MBD5: variants seen among roughly 807,000 people sequenced by gnomAD.
MBD5 encodes methyl-CpG binding domain protein 5.
In MBD5, 13 loss-of-function variants were observed where a neutral mutation model predicts 117.3. The observed-to-expected ratio is 0.11, with a 90% confidence interval of 0.07 to 0.18. The LOEUF is 0.18. Among genes scored for constraint, MBD5 ranks in the 10% least tolerant of loss-of-function variants. The probability of loss-of-function intolerance (pLI) is 1.00; values close to 1 mark genes in which losing one functional copy is unlikely to be tolerated. For synonymous variants in MBD5, 727 were observed against 766.4 expected (o/e 0.95, Z 0.85); for missense variants, 1,879 against 2,093.8 (o/e 0.90, Z 2.00).
At chr2:148,104,908 T>C (rs899947323) in intron 1 of MBD5, among the ~76,000 whole-genome samples, 1 of 152,144 alleles carries the variant, frequency 6.6e-6, no homozygotes, top group African/African-American at 2.4e-5. Flanking sequence ...TATAATAGGA[T>C]ATTATAATAT....
At chr2:148,035,109 T>G (rs1454100267) in intron 1 of MBD5, among the ~76,000 whole-genome samples, 1 of 152,098 alleles carries the variant, frequency 6.6e-6, no homozygotes, top group Non-Finnish European at 1.5e-5. Flanking sequence ...CACTAAATTT[T>G]TTCATTTTCC....
Position 148,144,430 on chromosome 2 carries a change from C to G in MBD5, c.-924-34270C>G, listed in dbSNP as rs377197356. Among the ~76,000 whole-genome samples, 25 of 152,174 alleles carry G rather than the reference C, an allele frequency of 1.6e-4. No individual in the cohort carries two copies. The East Asian group carries it at 2.5e-3, about 15-fold the overall frequency. ...CACTCTGATGGTAGTTTGTTTTGCT[C>G]TGCAGAAGCTCTTTAGTTTAATTAG... On this transcript the variant is annotated intron_variant, in intron 1 of 13. Transcript: ENST00000642680.
intron 4 of MBD5, among the ~76,000 whole-genome samples, chr2:148,416,905 A>T (rs1705436425): frequency 6.6e-6 from 1 of 152,192 alleles, no homozygotes; most frequent in Non-Finnish European, 1.5e-5. Flanking sequence ...ATCACTTAGA[A>T]TAATCACCTC....
intron 1 of MBD5, among the ~76,000 whole-genome samples, chr2:148,051,826 G>C (rs1694712360): frequency 6.6e-6 from 1 of 151,586 alleles, no homozygotes; most frequent in Non-Finnish European, 1.5e-5. Flanking sequence ...AGTTTTCTTG[G>C]GATTTCTTTG....
At chr2:148,119,538 T>C (rs1165897707) in intron 1 of MBD5, among the ~76,000 whole-genome samples, 2 of 152,192 alleles carry the variant, frequency 1.3e-5, no homozygotes, top group Non-Finnish European at 2.9e-5. Context: ...TTTTCTTCTT[T>C]TACTTGTGCT....
intron 3 of MBD5, among the ~76,000 whole-genome samples, chr2:148,245,417 G>A (rs559080441): frequency 6.6e-6 from 1 of 152,036 alleles, no homozygotes; most frequent in African/African-American, 2.4e-5. Context: ...AATAGAGATA[G>A]GACAAAAATA....
At chr2:148,386,164 AATTT>A (rs1473178433) in intron 4 of MBD5, among the ~76,000 whole-genome samples, 1 of 152,190 alleles carries the variant, frequency 6.6e-6, no homozygotes, top group African/African-American at 2.4e-5. Flanking sequence ...CTAGATTTTC[AATTT>A]ATTAAGTTAT....
chr2:148,484,133 T>C lies in MBD5; in HGVS notation c.3542T>C (p.Leu1181Pro). The part of the protein sequence containing the change: ...LLNPLLGTGL[L>P]GDMSSINNTL... ...AACCCTCTACTGGGGACAGGTCTAC[T>C]TGGTAAGTTAAATTTTTTCACAAAT... is the stretch of plus-strand genomic sequence containing the variant. The change falls in exon 9 of 14, where the codon CTT (leucine) becomes CCT (proline). Residue 1181 changes from leucine (L) to proline (P), a missense_variant and splice_region_variant. Coordinates refer to ENST00000642680, the MANE Select transcript of MBD5 (RefSeq NM_001378120.1). The C allele has an allele frequency of 1.4e-6, 2 of 1,430,980 alleles. No individual in the cohort carries two copies. Among genetic ancestry groups the C allele is most frequent in the Non-Finnish European group, 1.8e-6 (2 of 1,090,626 alleles). The allele number at this position is 1,430,980 out of a possible 1,614,324, so 88.6% of individuals were successfully genotyped here. A position where few individuals can be genotyped will look rare whatever the true frequency, so the allele number is the denominator to read the frequency against.
At chr2:148,119,994 G>T (rs1696729518) in intron 1 of MBD5, among the ~76,000 whole-genome samples, 1 of 151,476 alleles carries the variant, frequency 6.6e-6, no homozygotes, top group Admixed American at 6.6e-5. Context: ...AAAGCTCACT[G>T]CAGCCTCAAT....
chr2:148,306,034 A>G (rs1701882702), intron 3 of MBD5, among the ~76,000 whole-genome samples: 1 of 152,224 alleles, frequency 6.6e-6, no homozygotes, highest in African/African-American at 2.4e-5. Flanking sequence ...AATTGATCAC[A>G]TAGGCTTTTA....
chr2:148,265,682 A>G (rs1700839881), intron 3 of MBD5, among the ~76,000 whole-genome samples: 1 of 152,178 alleles, frequency 6.6e-6, no homozygotes, highest in Non-Finnish European at 1.5e-5. Flanking sequence ...TCAAAACATT[A>G]TATTAATATA....
chr2:148,258,135 T>A (rs2890917), intron 3 of MBD5, among the ~76,000 whole-genome samples: 90,897 of 151,920 alleles, frequency 0.6, 27,372 homozygotes, highest in East Asian at 0.71. Context: ...TTGTGGCAGA[T>A]CCTGAGGCTG....
At chr2:148,227,567 T>C (rs1446571656) in intron 2 of MBD5, among the ~76,000 whole-genome samples, 1 of 152,220 alleles carries the variant, frequency 6.6e-6, no homozygotes, top group African/African-American at 2.4e-5. Flanking sequence ...AGCTTTGTTC[T>C]TTTGGCTTAG....
At chr2:148,374,560 A>G (rs189434304) in intron 4 of MBD5, among the ~76,000 whole-genome samples, 1 of 152,326 alleles carries the variant, frequency 6.6e-6, no homozygotes, top group East Asian at 1.9e-4. Flanking sequence ...AAGTGATATT[A>G]AAGAAAATTA....
At position 148,100,970 on chromosome 2, in the gene MBD5, A is replaced by G. The variant is rs538524245; in HGVS notation, c.-924-77730A>G. 9.9e-5 allele frequency among the ~76,000 whole-genome samples: 15 copies of G among 152,268 alleles called. No homozygotes were observed. The East Asian group carries it at 2.5e-3, about 25-fold the overall frequency. On this transcript the variant is annotated intron_variant, in intron 1 of 13. Coordinates refer to ENST00000642680, the MANE Select transcript of MBD5 (RefSeq NM_001378120.1). The stretch of plus-strand genomic sequence containing the variant: ...GTAAAGTACAACTTGCACACTCCTC[A>G]TTTCAGAATGTTTACAAATAACAAA...
chr2:148,081,122 T>A (rs1054835556), intron 1 of MBD5, among the ~76,000 whole-genome samples: 2 of 152,110 alleles, frequency 1.3e-5, no homozygotes, highest in African/African-American at 2.4e-5. Context: ...GCTCAGAGTG[T>A]CAGGGTGCTA....
chr2:148,284,967 A>G (rs1478591839), intron 3 of MBD5, among the ~76,000 whole-genome samples: 1 of 152,194 alleles, frequency 6.6e-6, no homozygotes, highest in African/African-American at 2.4e-5. Flanking sequence ...TTGGCAAATG[A>G]TAGAGTTGGT....
At chr2:148,463,421 G>A (rs1045687197) in intron 6 of MBD5, among the ~76,000 whole-genome samples, 16 of 152,018 alleles carry the variant, frequency 1.1e-4, no homozygotes, top group African/African-American at 2.7e-4. Context: ...TTTTTTAAGT[G>A]TACTTCATCT....
chr2:148,351,520 A>G (rs1042046618), intron 4 of MBD5, among the ~76,000 whole-genome samples: 1 of 151,982 alleles, frequency 6.6e-6, no homozygotes, highest in Non-Finnish European at 1.5e-5. Flanking sequence ...GCTGATGGAC[A>G]TTTGGGTTGT....
Sources: gnomAD v4.1 joint callset for allele counts (sites outside exome capture counted in the v4.1 genomes callset) on GRCh38, gnomAD v4.1.1 for gene constraint, MANE v1.5 for transcripts, NCBI Gene and HGNC (gene_info 2026-07-23, HGNC 2026-07-21) for gene names.